The following KCNAB1 variants were observed in gnomAD, a reference collection of about 807,000 sequenced individuals.
KCNAB1 encodes voltage-gated potassium channel subunit beta-1.
KCNAB1 carries 35 observed loss-of-function variants against 64.6 expected under a neutral mutation model. The observed-to-expected ratio is 0.54, with a 90% CI of 0.41 to 0.72. The LOEUF (loss-of-function observed/expected upper bound fraction) is 0.72. KCNAB1 is among the 30% of genes least tolerant of loss of function. KCNAB1 has a pLI of 0.00. For missense variants in KCNAB1, 401 were observed against 512.9 expected (o/e 0.78, Z 2.11); for synonymous variants, 177 against 183.8 (o/e 0.96, Z 0.30).
chr3:156,419,176 A>T lies in KCNAB1; in HGVS notation c.276-2440A>T, dbSNP rs551263022. Among the ~76,000 whole-genome samples the T allele has an allele frequency of 3.0e-3, 463 of 152,340 alleles. 1 individual carries two copies. The highest frequency in any genetic ancestry group is 0.011 in the African/African-American group (443 of 41,576). ...CTGAGATGTTGCTAAGTACCCAGTG[A>T]TATAACTTTGCCTTATTTGAGTTTG... On this transcript the variant is annotated intron_variant, in intron 1 of 13. Transcript: ENST00000490337.
intron 1 of KCNAB1, among the ~76,000 whole-genome samples, chr3:156,306,360 C>T (rs577970703): frequency 2.5e-4 from 38 of 152,268 alleles, no homozygotes; most frequent in Admixed American, 4.6e-4. Flanking sequence ...TTCACCAGGA[C>T]CTGCAAAGAG....
At chr3:156,376,440 G>T (rs950816937) in intron 1 of KCNAB1, among the ~76,000 whole-genome samples, 3 of 152,164 alleles carry the variant, frequency 2.0e-5, no homozygotes, top group African/African-American at 7.2e-5. Flanking sequence ...AGACTGAAGA[G>T]GACAATTTGG....
chr3:156,352,563 C>A (rs1724925226), intron 1 of KCNAB1, among the ~76,000 whole-genome samples: 1 of 152,212 alleles, frequency 6.6e-6, no homozygotes, highest in Non-Finnish European at 1.5e-5. Context: ...TAGAGTATCC[C>A]ATACTTTAAT....
At chr3:156,124,666 TTA>T (rs1713548119) in intron 1 of KCNAB1, among the ~76,000 whole-genome samples, 1 of 152,202 alleles carries the variant, frequency 6.6e-6, no homozygotes, top group Admixed American at 6.5e-5. Flanking sequence ...ATTTTTCTCA[TTA>T]TACCTTCTCA....
intron 8 of KCNAB1, among the ~76,000 whole-genome samples, chr3:156,513,136 C>G (rs572451303): frequency 6.6e-6 from 1 of 151,862 alleles, no homozygotes; most frequent in Non-Finnish European, 1.5e-5. Context: ...GGCATGAACC[C>G]GGGAGGCGGA....
At chr3:156,362,060 A>G (rs1725649441) in intron 1 of KCNAB1, among the ~76,000 whole-genome samples, 1 of 152,232 alleles carries the variant, frequency 6.6e-6, no homozygotes, top group Non-Finnish European at 1.5e-5. Flanking sequence ...AAACTAGACA[A>G]GAATACTGTT....
intron 1 of KCNAB1, among the ~76,000 whole-genome samples, chr3:156,208,109 A>T (rs4488791): frequency 0.78 from 118,030 of 152,040 alleles, 46,001 homozygotes; most frequent in East Asian, 0.9. Context: ...GAACTACCAG[A>T]TTCCTAAGGC....
At chr3:156,165,604 C>T (rs1711525534) in intron 1 of KCNAB1, among the ~76,000 whole-genome samples, 1 of 152,158 alleles carries the variant, frequency 6.6e-6, no homozygotes, top group Non-Finnish European at 1.5e-5. Flanking sequence ...TAAAAGATAG[C>T]ATGAAGTTTT....
At chr3:156,175,989 C>A (rs1712343224) in intron 1 of KCNAB1, 1 of 945,854 alleles carries the variant, frequency 1.1e-6, no homozygotes, top group African/African-American at 1.6e-5. Flanking sequence ...TGGTATCCCA[C>A]ACATACACAA....
At chr3:156,309,547 C>T (rs1721744664) in intron 1 of KCNAB1, among the ~76,000 whole-genome samples, 1 of 152,238 alleles carries the variant, frequency 6.6e-6, no homozygotes, top group Non-Finnish European at 1.5e-5. Flanking sequence ...CTACTCCTTT[C>T]AGCTTTTACC....
intron 1 of KCNAB1, among the ~76,000 whole-genome samples, chr3:156,414,810 T>G (rs765311092): frequency 3.9e-5 from 6 of 152,154 alleles, no homozygotes; most frequent in Non-Finnish European, 8.8e-5. Context: ...ATTTAAGGGC[T>G]AAGTAGACAT....
chr3:156,148,138 A>C (rs1279282417), intron 1 of KCNAB1, among the ~76,000 whole-genome samples: 1 of 151,930 alleles, frequency 6.6e-6, no homozygotes, highest in Non-Finnish European at 1.5e-5. Flanking sequence ...TTGAGTCTCT[A>C]CTCATCATTA....
chr3:156,502,444 G>A (rs1366644634), intron 8 of KCNAB1, among the ~76,000 whole-genome samples: 1 of 151,546 alleles, frequency 6.6e-6, no homozygotes, highest in Non-Finnish European at 1.5e-5. Flanking sequence ...GGGAAAAGAA[G>A]GGACTATTCA....
chr3:156,176,075 T>G lies in KCNAB1; in HGVS notation c.275+55189T>G, dbSNP rs539181715. Reference sequence around the variant, plus strand: ...CATCTTAGAAGGTTCTTTTCAAAGTTGTGCACATTTCCTTGAACTATGTTT... The same window carrying G: ...CATCTTAGAAGGTTCTTTTCAAAGTGGTGCACATTTCCTTGAACTATGTTT... On this transcript the variant is annotated intron_variant, in intron 1 of 13. Coordinates refer to ENST00000490337, the MANE Select transcript of KCNAB1 (RefSeq NM_172160.3). The G allele has an allele frequency of 1.8e-3, 1,403 of 770,352 alleles. 4 individuals carry two copies. The highest frequency in any genetic ancestry group is 2.8e-3 in the Non-Finnish European group (1,177 of 413,720). The allele number at this position is 770,352 out of a possible 1,614,324, so 47.7% of individuals were successfully genotyped here.
At chr3:156,531,563 G>A (rs1307703934) in intron 13 of KCNAB1, 66 bp downstream of exon 13, 18 of 1,160,974 alleles carry the variant, frequency 1.6e-5, no homozygotes, top group Non-Finnish European at 2.2e-5. Flanking sequence ...TCTCCAGGCA[G>A]TGTCCCATCT....
rs1715505007 is a variant in KCNAB1, at chr3:156,422,140, G to A, written c.319+481G>A. Among the ~76,000 whole-genome samples the A allele has an allele frequency of 2.0e-5, 3 of 152,060 alleles. No individual in the cohort carries two copies. In the East Asian group the frequency reaches 5.8e-4, roughly 29 times the overall value. On this transcript the variant is annotated intron_variant, in intron 2 of 13. Transcript: ENST00000490337. ...CAAGGTGAGATACACATAAACACAT[G>A]TACATTAATATGCATTAATAAATAA...
At chr3:156,389,451 C>A (rs1204060568) in intron 1 of KCNAB1, among the ~76,000 whole-genome samples, 3 of 152,200 alleles carry the variant, frequency 2.0e-5, no homozygotes, top group African/African-American at 4.8e-5. Context: ...TAGCTCCTGC[C>A]ACTACTGCAT....
intron 7 of KCNAB1, among the ~76,000 whole-genome samples, chr3:156,466,670 G>T (rs1053198976): frequency 6.6e-6 from 1 of 151,926 alleles, no homozygotes; most frequent in Non-Finnish European, 1.5e-5. Flanking sequence ...CATAAAAAAT[G>T]TGTAGAAAAT....
intron 1 of KCNAB1, among the ~76,000 whole-genome samples, chr3:156,202,841 A>G (rs1403567054): frequency 6.6e-6 from 1 of 152,222 alleles, no homozygotes; most frequent in Non-Finnish European, 1.5e-5. Flanking sequence ...ACTACTAATA[A>G]CAGATTTTTT....
Sources: allele counts gnomAD v4.1 joint callset (sites outside exome capture counted in the v4.1 genomes callset), GRCh38; gene constraint gnomAD v4.1.1; transcripts MANE v1.5; gene names NCBI Gene and HGNC (gene_info 2026-07-23, HGNC 2026-07-21).